Variants in TENM2 observed in about 807,000 individuals in gnomAD.
TENM2 encodes teneurin transmembrane protein 2, also known as teneurin-2.
In TENM2, 52 loss-of-function variants were observed where a neutral mutation model predicts 245.2. That is an observed-to-expected ratio of 0.21 (90% CI 0.17 to 0.27). The LOEUF (loss-of-function observed/expected upper bound fraction) is 0.27, where lower values mean the gene tolerates loss of function less well. TENM2 is among the 10% of genes least tolerant of loss of function. The pLI is 1.00. For synonymous variants in TENM2, 1,363 were observed against 1,438.9 expected (o/e 0.95, Z 1.19); for missense variants, 3,046 against 3,666.8 (o/e 0.83, Z 4.37).
At chr5:167,694,485 C>T (rs549824121) in intron 2 of TENM2, among the ~76,000 whole-genome samples, 6 of 152,268 alleles carry the variant, frequency 3.9e-5, no homozygotes, top group Admixed American at 6.5e-5. Context: ...CTGTGTTTGA[C>T]GAATTAGTTG....
intron 2 of TENM2, among the ~76,000 whole-genome samples, chr5:167,491,026 A>T (rs1768398634): frequency 6.6e-6 from 1 of 152,194 alleles, no homozygotes; most frequent in Non-Finnish European, 1.5e-5. Flanking sequence ...TCTAGGAATC[A>T]ATCACAGTGA....
intron 1 of TENM2, among the ~76,000 whole-genome samples, chr5:167,332,716 AC>A (rs1437485158): frequency 6.6e-6 from 1 of 152,222 alleles, no homozygotes; most frequent in Non-Finnish European, 1.5e-5. Flanking sequence ...ACACAAAAAA[AC>A]CTAATTAGCG....
chr5:167,731,023 A>G (rs1760387108), intron 2 of TENM2, among the ~76,000 whole-genome samples: 1 of 152,154 alleles, frequency 6.6e-6, no homozygotes, highest in South Asian at 2.1e-4. Context: ...ATTTCTGTGT[A>G]GATGTGGATG....
At chr5:168,172,706 C>A (rs1758955870) in intron 13 of TENM2, among the ~76,000 whole-genome samples, 1 of 152,200 alleles carries the variant, frequency 6.6e-6, no homozygotes, top group African/African-American at 2.4e-5. Flanking sequence ...TCGGCGTTAG[C>A]TTTTCCCTCC....
intron 2 of TENM2, among the ~76,000 whole-genome samples, chr5:167,771,073 G>C (rs1403304763): frequency 6.6e-6 from 1 of 151,786 alleles, no homozygotes; most frequent in East Asian, 1.9e-4. Context: ...AAAGGAGAGG[G>C]GAGAGAGAAG....
chr5:167,302,158 T>C (rs909300575), intron 1 of TENM2, among the ~76,000 whole-genome samples: 4 of 152,148 alleles, frequency 2.6e-5, no homozygotes, highest in Non-Finnish European at 5.9e-5. Context: ...CGTTTGCCTA[T>C]TTTGTGACAA....
the TENM2 span, among the ~76,000 whole-genome samples, chr5:167,174,485 C>T: frequency 2.6e-5 from 4 of 151,998 alleles, no homozygotes; most frequent in Admixed American, 6.6e-5. Flanking sequence ...ATAGAATGAA[C>T]GCTGAAAAGT....
the TENM2 span, among the ~76,000 whole-genome samples, chr5:167,199,189 G>A: frequency 6.6e-6 from 1 of 151,690 alleles, no homozygotes; most frequent in African/African-American, 2.4e-5. Flanking sequence ...AACTATCTGG[G>A]CGCTGCTACT....
chr5:167,571,924 C>T (rs2127661819), intron 2 of TENM2, among the ~76,000 whole-genome samples: 1 of 152,286 alleles, frequency 6.6e-6, no homozygotes, highest in African/African-American at 2.4e-5. Flanking sequence ...AAAATGTCCG[C>T]AGAGATTTCC....
At chr5:167,400,390 G>A (rs982916656) in intron 2 of TENM2, among the ~76,000 whole-genome samples, 4 of 152,052 alleles carry the variant, frequency 2.6e-5, no homozygotes, top group Admixed American at 2.6e-4. Flanking sequence ...CAAGTAGGAT[G>A]ACTAGGTTAG....
intron 5 of TENM2, among the ~76,000 whole-genome samples, chr5:167,996,029 G>A (rs1451522571): frequency 6.6e-6 from 1 of 152,094 alleles, no homozygotes; most frequent in Non-Finnish European, 1.5e-5. Flanking sequence ...ATCAGCCCCA[G>A]GACCTTTATG....
chr5:167,621,771 TG>T (rs1159411114), intron 2 of TENM2, among the ~76,000 whole-genome samples: 1 of 152,182 alleles, frequency 6.6e-6, no homozygotes, highest in African/African-American at 2.4e-5. Flanking sequence ...AGTGTGGCCA[TG>T]GCCCACCTGC....
intron 2 of TENM2, among the ~76,000 whole-genome samples, chr5:167,538,881 G>C (rs1245600806): frequency 6.6e-6 from 1 of 152,130 alleles, no homozygotes; most frequent in Non-Finnish European, 1.5e-5. Flanking sequence ...CAAAATAAGA[G>C]TTAGGCTCTC....
intron 2 of TENM2, among the ~76,000 whole-genome samples, chr5:167,431,973 A>ATACACATATATATACATATATATG (rs1561950531): frequency 6.9e-6 from 1 of 144,648 alleles, no homozygotes; most frequent in African/African-American, 2.6e-5. Context: ...ATATATATAT[A>ATACACATATATATACATATATATG]TATATGGAAG....
Position 167,309,971 on chromosome 5 carries a change from C to CAG in TENM2, c.226+24912_226+24913dup, listed in dbSNP as rs1755924548. On this transcript the variant is annotated intron_variant, in intron 1 of 28. Transcript: ENST00000518659. ...GTGTGAACTAGATTACTAAAATAGA[C>CAG]AGAGAAAATAGCATCCTGATATTTA... 2.6e-5 allele frequency: 4 copies of CAG among 152,178 alleles called. 1 individual carries two copies. In the South Asian group the frequency reaches 8.3e-4, roughly 32 times the overall value. The allele number at this position is 152,178 out of a possible 1,614,324, so 9.4% of individuals were successfully genotyped here.
rs1010337045 is a variant in TENM2 at position 168,125,216 on chromosome 5, G to T, written c.2209+166G>T. ...TCTCTTCTCCTCAATCGTGGAGTCTGTGATCTTTGAGAAACAAACAAAAAA... is the reference window on the plus strand; with the variant it reads ...TCTCTTCTCCTCAATCGTGGAGTCTTTGATCTTTGAGAAACAAACAAAAAA... On this transcript the variant is annotated intron_variant, in intron 11 of 28. Coordinates refer to ENST00000518659, the Ensembl canonical transcript of TENM2. Among the ~76,000 whole-genome samples, 4 of 152,300 alleles carry T rather than the reference G, an allele frequency of 2.6e-5. No individual in the cohort carries two copies. In the South Asian group the frequency reaches 8.3e-4, roughly 32 times the overall value.
the TENM2 span, chr5:167,119,589 T>G: frequency 6.6e-6 from 1 of 152,306 alleles, no homozygotes. Flanking sequence ...GGGCCAACCC[T>G]GACTGATGCT....
chr5:167,060,980 G>C, the TENM2 span, among the ~76,000 whole-genome samples: 1 of 152,016 alleles, frequency 6.6e-6, no homozygotes, highest in Admixed American at 6.6e-5. Flanking sequence ...TAGAATATTT[G>C]AGGGAGTGTC....
At chr5:167,868,608 G>A (rs976822581) in intron 2 of TENM2, among the ~76,000 whole-genome samples, 24 of 151,584 alleles carry the variant, frequency 1.6e-4, no homozygotes, top group African/African-American at 3.9e-4. Flanking sequence ...GTGATGGTGC[G>A]TGCCTGTAAT....
Sources: allele counts gnomAD v4.1 joint callset (sites outside exome capture counted in the v4.1 genomes callset), GRCh38; gene constraint gnomAD v4.1.1; transcripts MANE v1.5; gene names NCBI Gene and HGNC (gene_info 2026-07-23, HGNC 2026-07-21).